BIVM: variants seen among roughly 807,000 people sequenced by gnomAD.
The protein encoded by BIVM is basic immunoglobulin-like variable motif-containing protein.
In BIVM, 31 loss-of-function variants were observed where a neutral mutation model predicts 61.4. The ratio of observed to expected loss-of-function variants is 0.51; its 90% CI spans 0.38 to 0.68. The LOEUF (loss-of-function observed/expected upper bound fraction) is 0.68, where lower values mean the gene tolerates loss of function less well. Among genes scored for constraint, BIVM ranks in the 30% least tolerant of loss-of-function variants. BIVM has a pLI of 0.00. For missense variants in BIVM, 526 were observed against 596.0 expected, an observed-to-expected ratio of 0.88 and a Z score of 1.22; for synonymous variants, 189 against 210.7, an observed-to-expected ratio of 0.90 and a Z score of 0.89.
intron 1 of BIVM, among the ~76,000 whole-genome samples, chr13:102,803,317 A>G (rs1451533077): frequency 1.3e-5 from 2 of 152,104 alleles, no homozygotes; most frequent in African/African-American, 4.8e-5. Flanking sequence ...AGCCTGGCCA[A>G]CGTGGTGAAA....
intron 1 of BIVM, among the ~76,000 whole-genome samples, 192 bp downstream of exon 1, chr13:102,799,713 C>G (rs1462693206): frequency 6.6e-6 from 1 of 152,246 alleles, no homozygotes; most frequent in Non-Finnish European, 1.5e-5. Flanking sequence ...TCTCCGAGCC[C>G]CGTGGCGTCC....
Position 102,839,754 on chromosome 13 carries a change from G to A in BIVM, c.1401G>A (p.Arg467=). 1 of 1,614,168 alleles carries A rather than the reference G, an allele frequency of 6.2e-7. No individual in the cohort carries two copies. The highest frequency in any genetic ancestry group is 1.1e-5 in the South Asian group (1 of 91,078). Reference sequence around the variant, plus strand: ...AGAAGCAGCATGGGCGTCTGGGCCGGTCTTTCAGTGCTAGTTTCCATCAGG... The same window carrying A: ...AGAAGCAGCATGGGCGTCTGGGCCGATCTTTCAGTGCTAGTTTCCATCAGG... ...ISKKQHGRLG[R]SFSASFHQDS... Residue 467 remains arginine, a synonymous_variant, in exon 11 of 11, where the codon CGG becomes CGA. Transcript: ENST00000257336.
intron 3 of BIVM, among the ~76,000 whole-genome samples, chr13:102,814,067 A>G (rs1461989297): frequency 2.0e-5 from 3 of 151,400 alleles, no homozygotes; most frequent in Non-Finnish European, 4.4e-5. Flanking sequence ...GAATACATAT[A>G]TTTGTGTGTG....
At chr13:102,823,310 A>G (rs1157589290) in intron 7 of BIVM, among the ~76,000 whole-genome samples, 2 of 152,208 alleles carry the variant, frequency 1.3e-5, no homozygotes, top group South Asian at 2.1e-4. Context: ...CAGGTTGGTT[A>G]CTTGGAGGCA....
At chr13:102,810,391 T>C (rs1432128301) in intron 3 of BIVM, among the ~76,000 whole-genome samples, 1 of 152,250 alleles carries the variant, frequency 6.6e-6, no homozygotes, top group Non-Finnish European at 1.5e-5. Context: ...TCTGTTTCTG[T>C]TTTTGTGTGT....
At position 102,821,827 on chromosome 13, in the gene BIVM, G is replaced by A. The variant is rs781573321; in HGVS notation, c.786G>A (p.Thr262=). Residue 262 remains threonine, a synonymous_variant, in exon 6 of 11, where the codon ACG becomes ACA. Transcript: ENST00000257336. ...PFEDIRFGPF[T]GNTTLMRWFR... ...AAGATATTAGGTTTGGTCCTTTCAC[G>A]GGGAATACAACACTTATGAGGTATG... 93 of 1,613,700 alleles carry A rather than the reference G, an allele frequency of 5.8e-5. 1 individual carries two copies. The Admixed American group carries it at 7.3e-4, about 13-fold the overall frequency.
chr13:102,811,013 G>A (rs1254562156), intron 3 of BIVM, among the ~76,000 whole-genome samples: 1 of 152,230 alleles, frequency 6.6e-6, no homozygotes, highest in Non-Finnish European at 1.5e-5. Context: ...ATACAGGCAT[G>A]AGCCACTGCT....
Position 102,839,981 on chromosome 13 carries a change from T to G in BIVM, c.*116T>G. The G allele has an allele frequency of 1.7e-6, 2 of 1,162,570 alleles. No homozygotes were observed. The highest frequency in any genetic ancestry group is 2.4e-6 in the Non-Finnish European group (2 of 832,390). 72.0% of individuals were successfully genotyped at this position (1,162,570 alleles called of 1,614,324 possible). A position where few individuals can be genotyped will look rare whatever the true frequency, so the allele number is the denominator to read the frequency against. ...TTAAATAGGAGCAGATCTTGTGGTA[T>G]AAAAAATAACCTTGTAGTTCTCCAG... On this transcript the variant is annotated 3_prime_UTR_variant, in exon 11 of 11. Coordinates refer to ENST00000257336, the MANE Select transcript of BIVM (RefSeq NM_017693.4).
chr13:102,826,610 T>C (rs1162485202), intron 7 of BIVM, among the ~76,000 whole-genome samples: 1 of 152,212 alleles, frequency 6.6e-6, no homozygotes. Flanking sequence ...GTGTCGGATA[T>C]AATGGAAAGC....
intron 1 of BIVM, among the ~76,000 whole-genome samples, chr13:102,802,118 G>A (rs1262195421): frequency 1.3e-5 from 2 of 152,166 alleles, no homozygotes; most frequent in African/African-American, 2.4e-5. Flanking sequence ...CTCTGCACAG[G>A]TCAGGTTAGA....
chr13:102,801,731 A>T (rs1437566376), intron 1 of BIVM: 5 of 152,232 alleles, frequency 3.3e-5, no homozygotes, highest in African/African-American at 1.2e-4. Flanking sequence ...GACTTGCAGG[A>T]TGCAGACGTT....
intron 5 of BIVM, 63 bp from the exon 6 acceptor site, chr13:102,821,680 A>T: frequency 7.0e-7 from 1 of 1,418,550 alleles, no homozygotes; most frequent in Non-Finnish European, 9.8e-7. Flanking sequence ...TAACATTGAG[A>T]CAGGCTGTAT....
intron 3 of BIVM, among the ~76,000 whole-genome samples, chr13:102,809,013 G>A (rs542260168): frequency 6.6e-6 from 1 of 151,786 alleles, no homozygotes; most frequent in South Asian, 2.1e-4. Context: ...TTTCTCAATT[G>A]TTTGTTTTCT....
At position 102,838,634 on chromosome 13, in the gene BIVM, T is replaced by C; in HGVS notation, c.1122-9T>C. ...AAAATTGTGCTTTATCCTTTCTTCT[T>C]AACTATAGATGGGCAGATATTGTTA... is the stretch of plus-strand genomic sequence containing the variant. On this transcript the variant is annotated splice_polypyrimidine_tract_variant and intron_variant, in intron 9 of 10. Coordinates refer to ENST00000257336, the MANE Select transcript of BIVM (RefSeq NM_017693.4). 6.3e-7 allele frequency: 1 copy of C among 1,598,034 alleles called. No individual in the cohort carries two copies. Among genetic ancestry groups the C allele is most frequent in the Non-Finnish European group, 8.5e-7 (1 of 1,173,924 alleles).
intron 7 of BIVM, among the ~76,000 whole-genome samples, chr13:102,824,907 A>G (rs1423169779): frequency 6.6e-6 from 1 of 151,710 alleles, no homozygotes; most frequent in Non-Finnish European, 1.5e-5. Flanking sequence ...CTACAGGTTC[A>G]TGCCACTGCA....
chr13:102,809,697 G>T (rs904643457), intron 3 of BIVM, among the ~76,000 whole-genome samples: 1 of 151,826 alleles, frequency 6.6e-6, no homozygotes, highest in Non-Finnish European at 1.5e-5. Flanking sequence ...CCATTTTTAC[G>T]TGTACAGTTT....
At chr13:102,805,914 A>G (rs1879048015) in intron 2 of BIVM, among the ~76,000 whole-genome samples, 1 of 152,180 alleles carries the variant, frequency 6.6e-6, no homozygotes, top group Admixed American at 6.5e-5. Context: ...CAGTTGGTGG[A>G]CATTTGGGTT....
chr13:102,819,524 C>T (rs755275402), intron 4 of BIVM, among the ~76,000 whole-genome samples: 21 of 152,188 alleles, frequency 1.4e-4, no homozygotes, highest in African/African-American at 4.8e-5. Context: ...TCGTGGCACA[C>T]GTTCTCACTG....
intron 9 of BIVM, among the ~76,000 whole-genome samples, chr13:102,835,299 C>G (rs921519602): frequency 3.9e-5 from 6 of 152,062 alleles, no homozygotes; most frequent in African/African-American, 1.4e-4. Context: ...TCGCTGCACT[C>G]TCATCTGGGT....
Sources: allele counts gnomAD v4.1 joint callset (sites outside exome capture counted in the v4.1 genomes callset), GRCh38; gene constraint gnomAD v4.1.1; transcripts MANE v1.5; gene names NCBI Gene and HGNC (gene_info 2026-07-23, HGNC 2026-07-21).